KIF16B: variants seen among roughly 807,000 people sequenced by gnomAD.
KIF16B encodes the protein kinesin family member 16B.
KIF16B carries 98 observed loss-of-function variants against 156.3 expected under a neutral mutation model. That is an observed-to-expected ratio of 0.63 (90% confidence interval 0.53 to 0.74). The LOEUF is 0.74. Ranked by LOEUF, KIF16B falls within the 30% of genes least tolerant of loss-of-function variation. The probability of loss-of-function intolerance (pLI) is 0.00; values close to 1 mark genes in which losing one functional copy is unlikely to be tolerated. For synonymous variants in KIF16B, 564 were observed against 583.7 expected (o/e 0.97, Z 0.49); for missense variants, 1,421 against 1,606.5 (o/e 0.88, Z 1.97).
intron 12 of KIF16B, among the ~76,000 whole-genome samples, chr20:16,470,413 G>T (rs915060073): frequency 1.3e-5 from 2 of 152,070 alleles, no homozygotes; most frequent in African/African-American, 4.8e-5. Context: ...GGCAACAATG[G>T]GGGAGGTTGT....
In KIF16B at chr20:16,389,430, C is replaced by T. The variant is rs537687490; in HGVS notation, c.1785-7683G>A. On this transcript the variant is annotated intron_variant, in intron 17 of 25. Transcript: ENST00000354981. ...GCCTGGAATGCTCGGTAGTATTCCT[C>T]AGTCCAGAGAACCAGAAAAGGACTA... 4.6e-5 allele frequency among the ~76,000 whole-genome samples: 7 copies of T among 152,308 alleles called. No homozygotes were observed. In the South Asian group the frequency reaches 8.3e-4, roughly 18 times the overall value.
chr20:16,349,118 C>T (rs1413963201), intron 23 of KIF16B, among the ~76,000 whole-genome samples: 2 of 152,192 alleles, frequency 1.3e-5, no homozygotes, highest in Non-Finnish European at 2.9e-5. Context: ...TGGCTCTGGG[C>T]ACCCTTTGTC....
chr20:16,482,054 G>A (rs966999755), intron 12 of KIF16B, among the ~76,000 whole-genome samples: 2 of 152,114 alleles, frequency 1.3e-5, no homozygotes, highest in African/African-American at 4.8e-5. Flanking sequence ...TAACAAAGGT[G>A]ACATGTAAAG....
At chr20:16,338,213 C>A (rs536913165) in intron 23 of KIF16B, among the ~76,000 whole-genome samples, 1 of 152,148 alleles carries the variant, frequency 6.6e-6, no homozygotes, top group Non-Finnish European at 1.5e-5. Flanking sequence ...GCTCTCCAGC[C>A]GGGACTGTCT....
chr20:16,427,024 G>T, intron 15 of KIF16B, 80 bp downstream of exon 15: 1 of 1,202,470 alleles, frequency 8.3e-7, no homozygotes, highest in Non-Finnish European at 1.2e-6. Flanking sequence ...ATTCTAAGAT[G>T]CACATGTTCC....
chr20:16,490,138 C>G (rs1358525224), intron 12 of KIF16B, among the ~76,000 whole-genome samples: 1 of 152,156 alleles, frequency 6.6e-6, no homozygotes, highest in Non-Finnish European at 1.5e-5. Context: ...GCCTTAACCC[C>G]TAGTACCTCA....
chr20:16,564,733 G>C (rs1026563392), intron 1 of KIF16B, among the ~76,000 whole-genome samples: 1 of 151,462 alleles, frequency 6.6e-6, no homozygotes, highest in Non-Finnish European at 1.5e-5. Context: ...CGGAAATGAG[G>C]CTCCCTCCTT....
At chr20:16,567,601 TC>T (rs1363748127) in intron 1 of KIF16B, among the ~76,000 whole-genome samples, 4 of 152,090 alleles carry the variant, frequency 2.6e-5, no homozygotes, top group Non-Finnish European at 4.4e-5. Flanking sequence ...GGTCTCAGTC[TC>T]CCCTGGCTTT....
chr20:16,528,702 G>C (rs1430495701), intron 1 of KIF16B, among the ~76,000 whole-genome samples: 1 of 152,072 alleles, frequency 6.6e-6, no homozygotes, highest in Admixed American at 6.6e-5. Context: ...TAAGCCAAAA[G>C]AAGAGTAAAT....
At chr20:16,510,040 T>C (rs8118679) in intron 6 of KIF16B, among the ~76,000 whole-genome samples, 2,814 of 152,284 alleles carry the variant, frequency 0.018, 82 homozygotes, top group African/African-American at 0.065. Flanking sequence ...AATTTACTTT[T>C]TTTTCCTCCT....
At position 16,507,970 on chromosome 20, in the gene KIF16B, G is replaced by C. The variant is rs1459108750; in HGVS notation, c.687C>G (p.Ile229Met). 6.2e-7 allele frequency: 1 copy of C among 1,614,044 alleles called. No homozygotes were observed. Among genetic ancestry groups the C allele is most frequent in the Non-Finnish European group, 8.5e-7 (1 of 1,180,012 alleles). The change falls in exon 7 of 26, where the codon ATC becomes ATG. Residue 229 changes from isoleucine to methionine, a missense_variant. Coordinates refer to ENST00000354981, the MANE Select transcript of KIF16B (RefSeq NM_024704.5). ...CAGCAGCCCTTACCTGAGTGAACTTGATGGTGAAGATGGCATGAGACCTGC... is the reference window on the plus strand; with the variant it reads ...CAGCAGCCCTTACCTGAGTGAACTTCATGGTGAAGATGGCATGAGACCTGC... ...VSSRSHAIFT[I>M]KFTQAKFDSE...
intron 5 of KIF16B, 126 bp from the exon 6 acceptor site, chr20:16,511,653 G>A: frequency 4.9e-6 from 3 of 609,554 alleles, no homozygotes; most frequent in Non-Finnish European, 8.7e-6. Context: ...TATGAGTGGT[G>A]ACTGTGTATC....
chr20:16,569,970 C>G (rs1043805067), intron 1 of KIF16B, among the ~76,000 whole-genome samples: 27 of 149,732 alleles, frequency 1.8e-4, no homozygotes, highest in African/African-American at 6.6e-4. Flanking sequence ...ATAGATGAAT[C>G]TGTGTGTGTG....
At chr20:16,408,609 T>C (rs113882179) in intron 15 of KIF16B, among the ~76,000 whole-genome samples, 87 of 152,240 alleles carry the variant, frequency 5.7e-4, no homozygotes, top group Admixed American at 2.0e-3. Context: ...TGCTAAAATA[T>C]GTTAATGGAA....
chr20:16,525,979 CAAAAATTACATTCAG>C, intron 3 of KIF16B, 98 bp downstream of exon 3: 1 of 588,054 alleles, frequency 1.7e-6, no homozygotes. Context: ...TAATTTTATA[CAAAAATTACATTCAG>C]AAAGAAATTG....
chr20:16,558,897 C>CAAAAAAAAA (rs11478258), intron 1 of KIF16B, among the ~76,000 whole-genome samples: 1 of 62,062 alleles, frequency 1.6e-5, no homozygotes, highest in Non-Finnish European at 2.9e-5. Flanking sequence ...GAGCAAGACT[C>CAAAAAAAAA]AAAAAAAAAA....
At chr20:16,368,585 T>A (rs986598194) in intron 22 of KIF16B, 27 of 985,912 alleles carry the variant, frequency 2.7e-5, no homozygotes, top group Non-Finnish European at 3.3e-5. Context: ...TCTGAGAACT[T>A]GTGGTAAAAA....
chr20:16,526,826 T>C (rs752796244), intron 2 of KIF16B, among the ~76,000 whole-genome samples: 3 of 152,206 alleles, frequency 2.0e-5, no homozygotes, highest in African/African-American at 4.8e-5. Flanking sequence ...AGCCTGCTTA[T>C]TGGACATATG....
intron 12 of KIF16B, among the ~76,000 whole-genome samples, chr20:16,476,191 C>A (rs1307592606): frequency 6.6e-6 from 1 of 152,146 alleles, no homozygotes; most frequent in African/African-American, 2.4e-5. Context: ...GTCTGTAGAA[C>A]AACATTTATT....
Sources: allele counts gnomAD v4.1 joint callset (sites outside exome capture counted in the v4.1 genomes callset), GRCh38; gene constraint gnomAD v4.1.1; transcripts MANE v1.5; gene names NCBI Gene and HGNC (gene_info 2026-07-23, HGNC 2026-07-21).